ERN1: variants seen among roughly 807,000 people sequenced by gnomAD.
ERN1 encodes serine/threonine-protein kinase/endoribonuclease IRE1.
Under a neutral mutation model 113.1 loss-of-function variants are expected in ERN1, and 39 were observed. That is an observed-to-expected ratio of 0.34 (90% CI 0.27 to 0.45). The LOEUF is 0.45. Among genes scored for constraint, ERN1 ranks in the 20% least tolerant of loss-of-function variants. The probability of loss-of-function intolerance (pLI) is 1.00; values close to 1 mark genes in which losing one functional copy is unlikely to be tolerated. For synonymous variants in ERN1, 507 were observed against 515.9 expected (o/e 0.98, Z 0.23); for missense variants, 976 against 1,274.8 (o/e 0.77, Z 3.57).
intron 1 of ERN1, among the ~76,000 whole-genome samples, chr17:64,124,635 TC>T (rs1249028734): frequency 6.6e-6 from 1 of 152,188 alleles, no homozygotes; most frequent in Non-Finnish European, 1.5e-5. Flanking sequence ...TTGTGAGGCC[TC>T]CCCAGCCACG....
At chr17:64,067,004 C>A (rs1486329999) in intron 7 of ERN1, 72 bp from the exon 8 acceptor site, 12 of 1,521,834 alleles carry the variant, frequency 7.9e-6, no homozygotes, top group Non-Finnish European at 1.1e-5. Flanking sequence ...ACTCTTGTGG[C>A]AGGCTCTAGT....
chr17:64,087,497 G>A (rs1396618008), intron 2 of ERN1, among the ~76,000 whole-genome samples: 1 of 152,114 alleles, frequency 6.6e-6, no homozygotes, highest in Non-Finnish European at 1.5e-5. Flanking sequence ...AGAAACTCAG[G>A]AAGTCCCCAA....
chr17:64,053,425 C>T (rs1473787906), intron 15 of ERN1, 54 bp from the exon 16 acceptor site: 1 of 1,260,354 alleles, frequency 7.9e-7, no homozygotes, highest in Middle Eastern at 2.0e-4. Flanking sequence ...GACTTGGCCC[C>T]TCGGCTCACT....
At position 64,055,932 on chromosome 17, in the gene ERN1, T is replaced by G. The variant is rs1346115905; in HGVS notation, c.1415A>C (p.Gln472Pro). The G allele has an allele frequency of 2.6e-6, 4 of 1,546,222 alleles. No homozygotes were observed. The highest frequency in any genetic ancestry group is 2.6e-6 in the Non-Finnish European group (3 of 1,144,782). Residue 472 changes from glutamine to proline, a missense_variant, in exon 13 of 22, where the codon CAG becomes CCG. Physicochemically the swap from Gln to Pro is moderately conservative, Grantham distance 76 (BLOSUM62 -1). Around this residue, in one of 5 missense-constraint regions of ERN1, gnomAD observed 16 missense variants for 42.3 expected, o/e 0.38. Coordinates refer to ENST00000433197, the MANE Select transcript of ERN1 (RefSeq NM_001433.5). Reference protein sequence around the residue: ...ITYPLSMHQQQQLQHQQFQKE... With the variant: ...ITYPLSMHQQPQLQHQQFQKE... ...CTGGAACTGCTGGTGCTGGAGCTGCTGCTGCTGATGCATGCTCTGGGAAGA... is the reference window on the plus strand; with the variant it reads ...CTGGAACTGCTGGTGCTGGAGCTGCGGCTGCTGATGCATGCTCTGGGAAGA...
At chr17:64,118,722 G>C (rs572241710) in intron 1 of ERN1, among the ~76,000 whole-genome samples, 11 of 152,220 alleles carry the variant, frequency 7.2e-5, no homozygotes, top group Non-Finnish European at 1.6e-4. Context: ...TCCGGGAGCT[G>C]AGACAACTGA....
chr17:64,044,001 G>C lies in ERN1; in HGVS notation c.2921C>G (p.Pro974Arg). ...EPPEPQPPVT[P>R]DAL ...GGCCGCCCTCGCTCAGAGGGCGTCT[G>C]GAGTCACTGGGGGCTGGGGCTCTGG... Residue 974 changes from proline to arginine, a missense_variant, in exon 22 of 22, where the codon CCA (proline) becomes CGA (arginine). Transcript: ENST00000433197. This position sits in a 1 kb window ranked among gnomAD's most constrained non-coding sequence, Gnocchi z 4.1. The C allele has an allele frequency of 2.5e-6, 4 of 1,610,786 alleles. No individual in the cohort carries two copies. Among genetic ancestry groups the C allele is most frequent in the Non-Finnish European group, 3.4e-6 (4 of 1,177,930 alleles).
At chr17:64,086,797 C>T (rs1358725163) in intron 2 of ERN1, among the ~76,000 whole-genome samples, 1 of 151,770 alleles carries the variant, frequency 6.6e-6, no homozygotes, top group Non-Finnish European at 1.5e-5. Context: ...CAGGCGTGTG[C>T]CACCACACCC....
intron 1 of ERN1, among the ~76,000 whole-genome samples, chr17:64,112,179 C>T (rs1392106404): frequency 6.6e-6 from 1 of 152,030 alleles, no homozygotes; most frequent in Non-Finnish European, 1.5e-5. Flanking sequence ...ACCAGCCTAG[C>T]CAACGTGGTA....
At chr17:64,089,629 G>A (rs1260365356) in intron 2 of ERN1, among the ~76,000 whole-genome samples, 1 of 152,190 alleles carries the variant, frequency 6.6e-6, no homozygotes, top group Non-Finnish European at 1.5e-5. Flanking sequence ...GGCGGGCATT[G>A]AGGCACAAAA....
At chr17:64,051,839 T>C (rs1299528769) in intron 17 of ERN1, among the ~76,000 whole-genome samples, 1 of 152,174 alleles carries the variant, frequency 6.6e-6, no homozygotes, top group Non-Finnish European at 1.5e-5. Context: ...TGAATATGGA[T>C]TGAATATGAG....
intron 1 of ERN1, among the ~76,000 whole-genome samples, chr17:64,121,479 AG>A (rs1914952788): frequency 1.3e-5 from 2 of 152,228 alleles, no homozygotes; most frequent in South Asian, 4.1e-4. Context: ...ACTGTGAATT[AG>A]GCTTAGCAGG....
intron 4 of ERN1, among the ~76,000 whole-genome samples, chr17:64,076,669 G>A (rs1224832281): frequency 5.3e-5 from 8 of 151,556 alleles, no homozygotes; most frequent in East Asian, 1.9e-4. Context: ...GCGTGATCTC[G>A]GCTCACTGCA....
chr17:64,044,356 G>T lies in ERN1; in HGVS notation c.2722-156C>A, dbSNP rs566092586. Among the ~76,000 whole-genome samples, 1 of 152,298 alleles carries T rather than the reference G, an allele frequency of 6.6e-6. No individual in the cohort carries two copies. Among genetic ancestry groups the T allele is most frequent in the Admixed American group, 6.5e-5 (1 of 15,308 alleles). ...AAAGGCTTATGTATCCAAGAATCCAGCCCCGTCATCTCGCCTGCTACCCTC... is the reference window on the plus strand; with the variant it reads ...AAAGGCTTATGTATCCAAGAATCCATCCCCGTCATCTCGCCTGCTACCCTC... On this transcript the variant is annotated intron_variant, in intron 21 of 21. Coordinates refer to ENST00000433197, the MANE Select transcript of ERN1 (RefSeq NM_001433.5). This position sits in a 1 kb window ranked among gnomAD's most constrained non-coding sequence, Gnocchi z 4.1.
chr17:64,116,733 GT>G (rs1914815123), intron 1 of ERN1, among the ~76,000 whole-genome samples: 1 of 152,014 alleles, frequency 6.6e-6, no homozygotes, highest in Non-Finnish European at 1.5e-5. Context: ...AGAATGGCTG[GT>G]TCTGACCCCT....
chr17:64,051,472 T>C (rs1284474897), intron 17 of ERN1, among the ~76,000 whole-genome samples: 1 of 152,232 alleles, frequency 6.6e-6, no homozygotes, highest in Non-Finnish European at 1.5e-5. Flanking sequence ...TGTAGAGACC[T>C]GCCAAAAACA....
chr17:64,050,385 G>A (rs1025881599), intron 17 of ERN1, among the ~76,000 whole-genome samples: 2 of 152,112 alleles, frequency 1.3e-5, no homozygotes, highest in Non-Finnish European at 2.9e-5. Context: ...CCCCAATTAT[G>A]TTCTTTCCCA....
Position 64,057,000 on chromosome 17 carries a change from A to G in ERN1, c.1398+802T>C, listed in dbSNP as rs567194779. On this transcript the variant is annotated intron_variant, in intron 12 of 21. Coordinates refer to ENST00000433197, the MANE Select transcript of ERN1 (RefSeq NM_001433.5). ...CCTGCTGAAGGACCATGCCCCTCAC[A>G]TATTTCATCCCACCCATGGCCTGTT... Among the ~76,000 whole-genome samples, 24 of 152,208 alleles carry G rather than the reference A, an allele frequency of 1.6e-4. 1 individual carries two copies. Among genetic ancestry groups the G allele is most frequent in the South Asian group, 8.3e-4 (4 of 4,824 alleles).
rs1297339610 is a variant in ERN1 at position 64,072,070 on chromosome 17, A to T, written c.389T>A (p.Leu130His). 2.5e-6 allele frequency: 4 copies of T among 1,612,432 alleles called. No individual in the cohort carries two copies. Among genetic ancestry groups the T allele is most frequent in the Admixed American group, 3.3e-5 (2 of 59,842 alleles). The stretch of plus-strand genomic sequence containing the variant: ...AGTCTGCTGCTTCTCTCCGGTCAGG[A>T]GGTCAATAACATACCAGATGTCCTG... ...KKQDIWYVID[L>H]LTGEKQQTLS... Residue 130 changes from leucine (L) to histidine (H), a missense_variant, in exon 6 of 22, where the codon CTC becomes CAC. Physicochemically the swap from Leu to His is moderately conservative, Grantham distance 99 (BLOSUM62 -3). Coordinates refer to ENST00000433197, the MANE Select transcript of ERN1 (RefSeq NM_001433.5).
intron 17 of ERN1, among the ~76,000 whole-genome samples, chr17:64,051,759 G>A (rs1441937953): frequency 6.6e-6 from 1 of 152,152 alleles, no homozygotes; most frequent in African/African-American, 2.4e-5. Context: ...AAACCCAGTA[G>A]GTATCAAAAC....
Sources: allele counts gnomAD v4.1 joint callset (sites outside exome capture counted in the v4.1 genomes callset), GRCh38; gene constraint gnomAD v4.1.1; regional missense constraint gnomAD v4.1.1; non-coding constraint Gnocchi (gnomAD v3.1); transcripts MANE v1.5; gene names NCBI Gene and HGNC (gene_info 2026-07-23, HGNC 2026-07-21).